DDX4: variants seen among roughly 807,000 people sequenced by gnomAD.
DDX4 encodes DEAD-box helicase 4, also known as probable ATP-dependent RNA helicase DDX4.
A neutral mutation model predicts 100.0 loss-of-function variants in DDX4; 25 were observed. That is an observed-to-expected ratio of 0.25 (90% CI 0.18 to 0.35). DDX4 has a LOEUF of 0.35. Among genes scored for constraint, DDX4 ranks in the 10% least tolerant of loss-of-function variants. The probability of loss-of-function intolerance (pLI) is 1.00; values close to 1 mark genes in which losing one functional copy is unlikely to be tolerated. For synonymous variants in DDX4, 259 were observed against 275.7 expected (o/e 0.94, Z 0.60); for missense variants, 635 against 882.4 (o/e 0.72, Z 3.55).
At chr5:55,738,244 G>GTCCC (rs1043900252) in intron 1 of DDX4, 143 bp downstream of exon 1, 2 of 152,394 alleles carry the variant, frequency 1.3e-5, no homozygotes, top group African/African-American at 4.8e-5. Context: ...GGGTCTCAGA[G>GTCCC]TCCCACGGGT....
chr5:55,760,076 T>A (rs1760220922), intron 3 of DDX4, 124 bp from the exon 4 acceptor site: 4 of 963,588 alleles, frequency 4.2e-6, no homozygotes, highest in Non-Finnish European at 5.9e-6. Flanking sequence ...ACTGGGCTGT[T>A]TGTCACCTTT....
intron 17 of DDX4, among the ~76,000 whole-genome samples, chr5:55,796,376 T>C (rs1742937598): frequency 6.6e-6 from 1 of 152,226 alleles, no homozygotes; most frequent in Non-Finnish European, 1.5e-5. Flanking sequence ...ATCTGTTAGC[T>C]TCTCTATTTC....
At position 55,741,788 on chromosome 5, in the gene DDX4, GA is replaced by G. The variant is rs773297828; in HGVS notation, c.69+2769del. On this transcript the variant is annotated intron_variant, in intron 2 of 21. Coordinates refer to ENST00000505374, the MANE Select transcript of DDX4 (RefSeq NM_024415.3). ...TGGGCAATGGAGCAAGACTCTGTCT[GA>G]AAAAAAAAAAAAGTGCAGAAACTAG... 2.3e-3 allele frequency among the ~76,000 whole-genome samples: 316 copies of G among 135,696 alleles called. 1 individual carries two copies. The highest frequency in any genetic ancestry group is 5.0e-3 in the African/African-American group (185 of 36,912). The allele number at this position is 135,696 out of a possible 152,430, so 89.0% of individuals were successfully genotyped here. A position where few individuals can be genotyped will look rare whatever the true frequency, so the allele number is the denominator to read the frequency against.
intron 7 of DDX4, among the ~76,000 whole-genome samples, chr5:55,777,245 T>C (rs1741620757): frequency 6.6e-6 from 1 of 152,040 alleles, no homozygotes; most frequent in South Asian, 2.1e-4. Flanking sequence ...AACACAAAGA[T>C]TGTAGAAATA....
intron 10 of DDX4, among the ~76,000 whole-genome samples, chr5:55,783,090 C>T (rs930249815): frequency 6.6e-6 from 1 of 151,980 alleles, no homozygotes; most frequent in African/African-American, 2.4e-5. Flanking sequence ...CTGCGCCTGA[C>T]CTTAAAGTTT....
At chr5:55,788,932 T>C (rs1742393895) in intron 15 of DDX4, among the ~76,000 whole-genome samples, 1 of 152,052 alleles carries the variant, frequency 6.6e-6, no homozygotes, top group Non-Finnish European at 1.5e-5. Flanking sequence ...CTAGGTGCAG[T>C]GGTGCACCCC....
chr5:55,800,740 T>G (rs1188868485), intron 18 of DDX4, among the ~76,000 whole-genome samples: 5 of 152,226 alleles, frequency 3.3e-5, no homozygotes, highest in Non-Finnish European at 7.3e-5. Context: ...GTATTATATA[T>G]GAGCACTATT....
chr5:55,795,043 G>A (rs1014329316), intron 17 of DDX4, among the ~76,000 whole-genome samples: 4 of 147,340 alleles, frequency 2.7e-5, no homozygotes, highest in Non-Finnish European at 4.5e-5. Context: ...TCGGCTCACC[G>A]CAACCTCCGC....
Position 55,779,954 on chromosome 5 carries a change from A to G in DDX4, c.395-10A>G. The G allele has an allele frequency of 1.2e-6, 2 of 1,611,448 alleles. No homozygotes were observed. The highest frequency in any genetic ancestry group is 1.7e-6 in the Non-Finnish European group (2 of 1,178,972). On this transcript the variant is annotated splice_polypyrimidine_tract_variant and intron_variant, in intron 7 of 21. Coordinates refer to ENST00000505374, the MANE Select transcript of DDX4 (RefSeq NM_024415.3). ...TTTGTGTTGTTCTTGTGTGTGTTTTAACATTATAGGCTATCGAGATGGAAA... is the reference window on the plus strand; with the variant it reads ...TTTGTGTTGTTCTTGTGTGTGTTTTGACATTATAGGCTATCGAGATGGAAA...
chr5:55,785,407 T>C (rs1472653730), intron 11 of DDX4, 40 bp from the exon 12 acceptor site: 2 of 1,593,570 alleles, frequency 1.3e-6, no homozygotes, highest in African/African-American at 2.7e-5. Context: ...CTTTCAATTT[T>C]AAAAAACATG....
intron 2 of DDX4, 51 bp from the exon 3 acceptor site, chr5:55,746,113 A>T: frequency 4.7e-6 from 6 of 1,289,878 alleles, no homozygotes; most frequent in Non-Finnish European, 5.5e-6. Flanking sequence ...AATAAATGAC[A>T]CGTTCATATT....
rs769135357 is a variant in DDX4 at position 55,786,589 on chromosome 5, T to C, written c.936T>C (p.Thr312=). 1 of 1,612,378 alleles carries C rather than the reference T, an allele frequency of 6.2e-7. No individual in the cohort carries two copies. Among genetic ancestry groups the C allele is most frequent in the Admixed American group, 1.7e-5 (1 of 59,988 alleles). ...CTAAAGCTGGTTATACTAAGCTTACTCCTGTGCAAAAATACAGTATTCCTA... is the reference window on the plus strand; with the variant it reads ...CTAAAGCTGGTTATACTAAGCTTACCCCTGTGCAAAAATACAGTATTCCTA... ...NIAKAGYTKL[T]PVQKYSIPII... Residue 312 remains threonine (T), a synonymous_variant, in exon 14 of 22, where the codon ACT becomes ACC. Transcript: ENST00000505374.
In DDX4 at chr5:55,746,183, A is replaced by G. The variant is rs146565989; in HGVS notation, c.89A>G (p.Asn30Ser). The G allele has an allele frequency of 5.0e-6, 8 of 1,612,402 alleles. No homozygotes were observed. The highest frequency in any genetic ancestry group is 2.7e-5 in the African/African-American group (2 of 74,836). The change falls in exon 3 of 22, where the codon AAT becomes AGT. Residue 30 changes from asparagine (N) to serine (S), a missense_variant. Coordinates refer to ENST00000505374, the MANE Select transcript of DDX4 (RefSeq NM_024415.3). ...IFEKDRYSGE[N>S]GDNFNRTPAS... The stretch of plus-strand genomic sequence containing the variant: ...TCACAGGATAGGTATTCTGGAGAAA[A>G]TGGAGACAATTTTAACAGGACTCCA...
rs114938435 is a variant in DDX4, at chr5:55,740,312, G to A, written c.69+1280G>A. Among the ~76,000 whole-genome samples, 533 of 151,836 alleles carry A rather than the reference G, an allele frequency of 3.5e-3. 6 individuals carry two copies. Among genetic ancestry groups the A allele is most frequent in the African/African-American group, 0.012 (512 of 41,402 alleles). ...AACCTCCCTCAGCGAGACTACAGGC[G>A]CATGCCACCACGCCCAGCTAATTTT... On this transcript the variant is annotated intron_variant, in intron 2 of 21. Coordinates refer to ENST00000505374, the MANE Select transcript of DDX4 (RefSeq NM_024415.3).
chr5:55,761,047 A>G (rs1185330879), intron 4 of DDX4, among the ~76,000 whole-genome samples: 2 of 152,222 alleles, frequency 1.3e-5, no homozygotes, highest in Admixed American at 6.5e-5. Context: ...TGTGGAAACT[A>G]AAAGATGCAT....
At chr5:55,799,533 G>T (rs1375246910) in intron 18 of DDX4, among the ~76,000 whole-genome samples, 1 of 151,918 alleles carries the variant, frequency 6.6e-6, no homozygotes, top group Non-Finnish European at 1.5e-5. Context: ...GCACCACCAT[G>T]CCCAACCAGT....
intron 18 of DDX4, among the ~76,000 whole-genome samples, chr5:55,808,273 T>G (rs1349647044): frequency 6.6e-6 from 1 of 152,202 alleles, no homozygotes; most frequent in Non-Finnish European, 1.5e-5. Flanking sequence ...ATTCCTCCTT[T>G]AGCTCTGAGT....
chr5:55,800,320 T>G (rs562940241), intron 18 of DDX4, among the ~76,000 whole-genome samples: 2 of 150,840 alleles, frequency 1.3e-5, no homozygotes, highest in African/African-American at 4.9e-5. Flanking sequence ...TATAGTCACC[T>G]TAAGTTTTTT....
At chr5:55,741,856 C>G (rs773923215) in intron 2 of DDX4, among the ~76,000 whole-genome samples, 1 of 151,348 alleles carries the variant, frequency 6.6e-6, no homozygotes, top group Non-Finnish European at 1.5e-5. Flanking sequence ...AATCTAAAGT[C>G]TTTCATTCCG....
Sources: allele counts gnomAD v4.1 joint callset (sites outside exome capture counted in the v4.1 genomes callset), GRCh38; gene constraint gnomAD v4.1.1; transcripts MANE v1.5; gene names NCBI Gene and HGNC (gene_info 2026-07-23, HGNC 2026-07-21).